Variants in RALYL observed in about 807,000 individuals in gnomAD.
RALYL encodes the protein RNA-binding Raly-like protein.
In RALYL, 29 loss-of-function variants were observed where a neutral mutation model predicts 35.1. That is an observed-to-expected ratio of 0.83 (90% CI 0.61 to 1.13). The LOEUF (loss-of-function observed/expected upper bound fraction) is 1.13, where lower values mean the gene tolerates loss of function less well. RALYL is among the 50% of genes most tolerant of loss of function. RALYL has a pLI of 0.00. For missense variants in RALYL, 359 were observed against 360.4 expected (o/e 1.00, Z 0.03); for synonymous variants, 120 against 127.6 (o/e 0.94, Z 0.40).
intron 1 of RALYL, among the ~76,000 whole-genome samples, chr8:84,413,531 C>T (rs2044311324): frequency 6.6e-6 from 1 of 151,950 alleles, no homozygotes; most frequent in South Asian, 2.1e-4. Flanking sequence ...GAACATCTTT[C>T]ACTATATGTT....
intron 2 of RALYL, among the ~76,000 whole-genome samples, chr8:84,566,370 A>G (rs1274129077): frequency 2.0e-5 from 3 of 151,566 alleles, no homozygotes; most frequent in East Asian, 1.9e-4. Flanking sequence ...AACAGCAGAT[A>G]TGTTCCTAAA....
chr8:84,855,227 C>A (rs1425024304), intron 5 of RALYL, among the ~76,000 whole-genome samples: 1 of 152,210 alleles, frequency 6.6e-6, no homozygotes, highest in Non-Finnish European at 1.5e-5. Flanking sequence ...CTAACCCTCA[C>A]CTCCGGAAGT....
At chr8:84,297,913 G>A (rs954392527) in intron 1 of RALYL, among the ~76,000 whole-genome samples, 3 of 151,562 alleles carry the variant, frequency 2.0e-5, no homozygotes, top group African/African-American at 7.3e-5. Flanking sequence ...AACTGTTTAA[G>A]TTCCTTATAG....
rs1361833849 is a variant in RALYL, at chr8:84,612,248, T to TA, written c.256+82679dup. Among the ~76,000 whole-genome samples the TA allele has an allele frequency of 2.7e-4, 41 of 151,836 alleles. 1 individual carries two copies. The highest frequency in any genetic ancestry group is 3.4e-3 in the Middle Eastern group (1 of 294). ...GTAAAACTTAAAAAATGCTATTTGT[T>TA]AAAAAAAACAGCATGAAAAGTGGTC... On this transcript the variant is annotated intron_variant, in intron 2 of 8. Transcript: ENST00000521268.
intron 2 of RALYL, among the ~76,000 whole-genome samples, chr8:84,580,139 A>G (rs1810484323): frequency 1.3e-5 from 2 of 152,228 alleles, no homozygotes; most frequent in African/African-American, 4.8e-5. Context: ...CATATAAGAC[A>G]GCACAAATTG....
chr8:84,911,222 C>T (rs1436563343), intron 8 of RALYL, among the ~76,000 whole-genome samples: 1 of 152,004 alleles, frequency 6.6e-6, no homozygotes, highest in East Asian at 1.9e-4. Context: ...CAAGAAAGTT[C>T]AACTAGCAAC....
At chr8:84,747,164 G>T (rs992612027) in intron 2 of RALYL, among the ~76,000 whole-genome samples, 6 of 151,758 alleles carry the variant, frequency 4.0e-5, no homozygotes, top group Non-Finnish European at 8.8e-5. Flanking sequence ...AAATTGTTAG[G>T]AGTATGTTTA....
intron 2 of RALYL, among the ~76,000 whole-genome samples, chr8:84,732,697 C>CAT (rs1264087748): frequency 1.1e-5 from 1 of 93,436 alleles, no homozygotes; most frequent in South Asian, 2.8e-4. Context: ...CACACACACA[C>CAT]ATATATATAA....
intron 2 of RALYL, among the ~76,000 whole-genome samples, chr8:84,710,164 G>A (rs1458239392): frequency 6.6e-6 from 1 of 152,000 alleles, no homozygotes; most frequent in Non-Finnish European, 1.5e-5. Flanking sequence ...TTGATAGATG[G>A]CCTTCACCTG....
chr8:84,322,273 A>C (rs1184595174), intron 1 of RALYL, among the ~76,000 whole-genome samples: 1 of 152,152 alleles, frequency 6.6e-6, no homozygotes, highest in Non-Finnish European at 1.5e-5. Flanking sequence ...TGCCCATAAC[A>C]GACCAGAACA....
chr8:84,196,754 CT>C (rs1192010243), intron 1 of RALYL, among the ~76,000 whole-genome samples: 1 of 152,152 alleles, frequency 6.6e-6, no homozygotes, highest in Non-Finnish European at 1.5e-5. Context: ...TTTAAATACT[CT>C]CTGATCATTT....
chr8:84,696,314 T>G (rs1289021284), intron 2 of RALYL, among the ~76,000 whole-genome samples: 4 of 151,680 alleles, frequency 2.6e-5, no homozygotes, highest in African/African-American at 7.3e-5. Flanking sequence ...TGAAAACACA[T>G]GTGATCATCA....
intron 1 of RALYL, among the ~76,000 whole-genome samples, chr8:84,336,728 A>G (rs2130808838): frequency 6.6e-6 from 1 of 152,202 alleles, no homozygotes; most frequent in Admixed American, 6.6e-5. Context: ...GGTATTAAAC[A>G]GCTACTGCCA....
intron 4 of RALYL, among the ~76,000 whole-genome samples, chr8:84,841,338 C>A (rs998418092): frequency 6.6e-6 from 1 of 152,064 alleles, no homozygotes; most frequent in Admixed American, 6.5e-5. Flanking sequence ...ATAAAACAGA[C>A]TTTAAACCAA....
chr8:84,189,511 A>G (rs1385680213), intron 1 of RALYL, among the ~76,000 whole-genome samples: 2 of 152,302 alleles, frequency 1.3e-5, no homozygotes, highest in South Asian at 2.1e-4. Context: ...TGAGAGGGAA[A>G]GAAATTGATG....
intron 1 of RALYL, among the ~76,000 whole-genome samples, chr8:84,473,633 T>C (rs1220679020): frequency 1.3e-5 from 2 of 151,854 alleles, no homozygotes; most frequent in Non-Finnish European, 2.9e-5. Flanking sequence ...ATATACAGCA[T>C]TGTATGTATG....
intron 2 of RALYL, among the ~76,000 whole-genome samples, chr8:84,559,855 A>G (rs1199878638): frequency 6.6e-6 from 1 of 151,886 alleles, no homozygotes; most frequent in South Asian, 2.1e-4. Flanking sequence ...AGTAAGAAAC[A>G]GGGGGGAAAG....
chr8:84,697,821 C>T (rs1367936917), intron 2 of RALYL, among the ~76,000 whole-genome samples: 1 of 151,960 alleles, frequency 6.6e-6, no homozygotes, highest in Non-Finnish European at 1.5e-5. Context: ...CTCCCACTTA[C>T]AAGGGAGAAC....
intron 1 of RALYL, among the ~76,000 whole-genome samples, chr8:84,276,466 T>G (rs922774572): frequency 7.9e-5 from 12 of 152,232 alleles, no homozygotes; most frequent in Admixed American, 4.6e-4. Context: ...TCCTGCTTTT[T>G]GAACCATATA....
Sources: gnomAD v4.1 joint callset for allele counts (sites outside exome capture counted in the v4.1 genomes callset) on GRCh38, gnomAD v4.1.1 for gene constraint, MANE v1.5 for transcripts, NCBI Gene and HGNC (gene_info 2026-07-23, HGNC 2026-07-21) for gene names.